CACNA1C: variants seen among roughly 807,000 people sequenced by gnomAD.
The protein encoded by CACNA1C is voltage-dependent L-type calcium channel subunit alpha-1C.
A neutral mutation model predicts 229.0 loss-of-function variants in CACNA1C; 30 were observed. That is an observed-to-expected ratio of 0.13 (90% CI 0.10 to 0.18). The LOEUF (loss-of-function observed/expected upper bound fraction) is 0.18. CACNA1C is among the 10% of genes least tolerant of loss of function. The pLI, the probability that CACNA1C is intolerant of heterozygous loss-of-function variation, is 1.00. For synonymous variants in CACNA1C, 1,114 were observed against 1,132.5 expected (o/e 0.98, Z 0.33); for missense variants, 1,658 against 2,845.0 (o/e 0.58, Z 9.49).
rs529695011 is a variant in CACNA1C at position 2,581,191 on chromosome 12, G to A, written c.1896-399G>A. ...CTATGTGCCAGGCACTCTACAGGGG[G>A]CTCTTTGGGGAAAGGTGGATCATGT... On this transcript the variant is annotated intron_variant, in intron 13 of 46. Coordinates refer to ENST00000399655, the MANE Select transcript of CACNA1C (RefSeq NM_000719.7). 3.9e-5 allele frequency among the ~76,000 whole-genome samples: 6 copies of A among 152,324 alleles called. No individual in the cohort carries two copies. In the South Asian group the frequency reaches 1.2e-3, roughly 32 times the overall value.
intron 3 of CACNA1C, among the ~76,000 whole-genome samples, chr12:2,398,566 C>A (rs1446562074): frequency 2.0e-5 from 3 of 152,170 alleles, no homozygotes; most frequent in Non-Finnish European, 4.4e-5. Flanking sequence ...GGCCTCCATA[C>A]CTTACATCCT....
At chr12:2,126,372 A>C (rs1034375752) in intron 3 of CACNA1C, among the ~76,000 whole-genome samples, 1 of 152,214 alleles carries the variant, frequency 6.6e-6, no homozygotes, top group African/African-American at 2.4e-5. Flanking sequence ...CTGTCTACCA[A>C]GAGCTATTAC....
chr12:2,613,360 C>T (rs1307937311), intron 29 of CACNA1C: 3 of 152,176 alleles, frequency 2.0e-5, no homozygotes, highest in Non-Finnish European at 2.9e-5. Context: ...GACTGGAATC[C>T]GGCACCTCTG....
At chr12:2,433,154 G>A (rs1596108868) in intron 3 of CACNA1C, among the ~76,000 whole-genome samples, 1 of 152,200 alleles carries the variant, frequency 6.6e-6, no homozygotes, top group African/African-American at 2.4e-5. Flanking sequence ...TTGCCTGTTG[G>A]TTTTAAGGAG....
intron 3 of CACNA1C, among the ~76,000 whole-genome samples, chr12:2,191,157 AG>A (rs2097198533): frequency 6.6e-6 from 1 of 152,162 alleles, no homozygotes; most frequent in African/African-American, 2.4e-5. Context: ...GGATTTTGCC[AG>A]GGAGATGTGG....
chr12:2,057,550 C>G (rs2055600268), intron 1 of CACNA1C, among the ~76,000 whole-genome samples: 1 of 152,172 alleles, frequency 6.6e-6, no homozygotes, highest in Non-Finnish European at 1.5e-5. Flanking sequence ...ACCAGTGTGT[C>G]TCCGTGCCGC....
chr12:1,991,022 A>G lies in CACNA1C; in HGVS notation c.139+19821A>G, dbSNP rs2039267318. ...AAGGCAAAATGAATCCAGAAAAGTA[A>G]ATAGATCCATTCCCTTTCACTCTTT... On this transcript the variant is annotated intron_variant, in intron 1 of 46. Transcript: ENST00000682462. The G allele has an allele frequency of 9.4e-6, 4 of 424,458 alleles. No individual in the cohort carries two copies. The Admixed American group carries it at 1.2e-4, about 12-fold the overall frequency. 26.3% of individuals were successfully genotyped at this position (424,458 alleles called of 1,614,324 possible). A position where few individuals can be genotyped will look rare whatever the true frequency, so the allele number is the denominator to read the frequency against.
At position 2,053,484 on chromosome 12, in the gene CACNA1C, T is replaced by TA. The variant is rs138130246; in HGVS notation, c.-77dup. ...AAGCCGCCGGCCTCGGAGGAGGGAT[T>TA]AATCCAGACCCGCCGGGGGGTGTTT... On this transcript the variant is annotated 5_prime_UTR_variant, in exon 1 of 47. Transcript: ENST00000399655. This position sits in a 1 kb window ranked among gnomAD's most constrained non-coding sequence, Gnocchi z 5.8. 1.9e-3 allele frequency: 2,945 copies of TA among 1,531,396 alleles called. 37 individuals are homozygous for TA. The African/African-American group carries it at 0.035, about 18-fold the overall frequency. The allele number at this position is 1,531,396 out of a possible 1,614,324, so 94.9% of individuals were successfully genotyped here. A position where few individuals can be genotyped will look rare whatever the true frequency, so the allele number is the denominator to read the frequency against.
chr12:2,277,366 C>T (rs58826531), intron 3 of CACNA1C, among the ~76,000 whole-genome samples: 4 of 19,776 alleles, frequency 2.0e-4, no homozygotes, highest in South Asian at 1.8e-3. Context: ...CAGACAGACA[C>T]ACACACACAC....
intron 1 of CACNA1C, among the ~76,000 whole-genome samples, chr12:2,045,840 G>A (rs962263351): frequency 6.6e-6 from 1 of 151,928 alleles, no homozygotes; most frequent in Non-Finnish European, 1.5e-5. Context: ...AGGAAAAAGG[G>A]TCTTTGCAGA....
chr12:2,354,116 A>T lies in CACNA1C; in HGVS notation c.478-94860A>T, dbSNP rs1024851760. On this transcript the variant is annotated intron_variant, in intron 3 of 46. Coordinates refer to ENST00000399655, the MANE Select transcript of CACNA1C (RefSeq NM_000719.7). The surrounding 1 kb of genome is among the most constrained non-coding windows in gnomAD (Gnocchi z 4.6). ...AGGTTGCTCTGAAATGCTGATGGGGATGGAGTGGGGGCTGTCGGGAAGGAC... is the reference window on the plus strand; with the variant it reads ...AGGTTGCTCTGAAATGCTGATGGGGTTGGAGTGGGGGCTGTCGGGAAGGAC... Among the ~76,000 whole-genome samples, 15 of 152,028 alleles carry T rather than the reference A, an allele frequency of 9.9e-5. No homozygotes were observed. Among genetic ancestry groups the T allele is most frequent in the Non-Finnish European group, 1.8e-4 (12 of 67,986 alleles).
chr12:2,201,940 AGGAG>A (rs1236214036), intron 3 of CACNA1C, among the ~76,000 whole-genome samples: 9 of 152,244 alleles, frequency 5.9e-5, no homozygotes, highest in African/African-American at 2.2e-4. Context: ...GCAAGGGAGA[AGGAG>A]GGAGTGCTTC....
At chr12:2,257,315 A>G (rs1383178864) in intron 3 of CACNA1C, among the ~76,000 whole-genome samples, 1 of 152,188 alleles carries the variant, frequency 6.6e-6, no homozygotes. Flanking sequence ...CTGTGGTGGG[A>G]CAGTTCAGTC....
intron 34 of CACNA1C, among the ~76,000 whole-genome samples, chr12:2,659,398 G>A (rs764125007): frequency 6.6e-6 from 1 of 152,206 alleles, no homozygotes; most frequent in Non-Finnish European, 1.5e-5. Context: ...GCAGTAGGCT[G>A]TACCACAGAG....
rs556910978 is a variant in CACNA1C, at chr12:2,118,782, C to T, written c.372-1543C>T. ...AGCAGAATGTAAAAGCTTAGTCCGTCTGGGTTCCGGTCCAGGCTCTGCTAT... is the reference window on the plus strand; with the variant it reads ...AGCAGAATGTAAAAGCTTAGTCCGTTTGGGTTCCGGTCCAGGCTCTGCTAT... On this transcript the variant is annotated intron_variant, in intron 2 of 46. Transcript: ENST00000399655. 7.9e-5 allele frequency among the ~76,000 whole-genome samples: 12 copies of T among 152,332 alleles called. No individual in the cohort carries two copies. In the South Asian group the frequency reaches 2.3e-3, roughly 29 times the overall value.
intron 21 of CACNA1C, among the ~76,000 whole-genome samples, chr12:2,600,252 TCTAGAACTATA>T: frequency 1.3e-5 from 2 of 152,302 alleles, no homozygotes; most frequent in Non-Finnish European, 2.9e-5. Flanking sequence ...TGGTGGGCCT[TCTAGAACTATA>T]CTCCCTTGCA....
At chr12:2,681,276 T>C (rs1208003269) in intron 42 of CACNA1C, among the ~76,000 whole-genome samples, 5 of 152,164 alleles carry the variant, frequency 3.3e-5, no homozygotes, top group East Asian at 1.9e-4. Flanking sequence ...CCCACAGATA[T>C]ATCTCTCCAC....
At chr12:2,680,367 C>T (rs1390322078) in intron 42 of CACNA1C, 1 of 1,550,072 alleles carries the variant, frequency 6.5e-7, no homozygotes, top group East Asian at 2.4e-5. Flanking sequence ...CTCTAGGATG[C>T]ACTGCTGTGA....
chr12:2,509,975 G>A (rs138044315), intron 8 of CACNA1C, among the ~76,000 whole-genome samples: 27 of 152,294 alleles, frequency 1.8e-4, no homozygotes, highest in Admixed American at 5.2e-4. Context: ...GGGTGGTATC[G>A]ATGATCAAAG....
Sources: gnomAD v4.1 joint callset for allele counts (sites outside exome capture counted in the v4.1 genomes callset) on GRCh38, gnomAD v4.1.1 for gene constraint, Gnocchi (gnomAD v3.1) non-coding constraint, MANE v1.5 for transcripts, NCBI Gene and HGNC (gene_info 2026-07-23, HGNC 2026-07-21) for gene names.